The following IPO11 variants were observed in gnomAD, a reference collection of about 807,000 sequenced individuals.
IPO11 encodes importin-11.
IPO11 carries 66 observed loss-of-function variants against 143.2 expected under a neutral mutation model. The observed-to-expected ratio is 0.46, with a 90% CI of 0.38 to 0.57. The LOEUF (loss-of-function observed/expected upper bound fraction) is 0.57. Ranked by LOEUF, IPO11 falls within the 20% of genes least tolerant of loss-of-function variation. IPO11 has a pLI of 0.00. For synonymous variants in IPO11, 385 were observed against 377.8 expected (o/e 1.02, Z -0.22); for missense variants, 1,026 against 1,141.0 (o/e 0.90, Z 1.45).
chr5:62,414,890 T>C (rs1272725807), intron 1 of IPO11, among the ~76,000 whole-genome samples: 1 of 152,232 alleles, frequency 6.6e-6, no homozygotes, highest in Non-Finnish European at 1.5e-5. Flanking sequence ...ATGCTGATTA[T>C]CCAGTCTGAT....
rs181609230 is a variant in IPO11 at position 62,556,378 on chromosome 5, A to G, written c.2461-4758A>G. ...AAAATGGCTTAGCTTTGCGTATCAT[A>G]TAATTAAAGCATCATATGAGGACTA... On this transcript the variant is annotated intron_variant, in intron 26 of 29. Transcript: ENST00000325324. 5.3e-5 allele frequency among the ~76,000 whole-genome samples: 8 copies of G among 152,366 alleles called. No homozygotes were observed. In the East Asian group the frequency reaches 1.5e-3, roughly 29 times the overall value.
At chr5:62,509,916 A>ATGGGAT (rs1481248840) in intron 19 of IPO11, among the ~76,000 whole-genome samples, 1 of 152,218 alleles carries the variant, frequency 6.6e-6, no homozygotes, top group Non-Finnish European at 1.5e-5. Flanking sequence ...ATGCCCAGAA[A>ATGGGAT]TGGGATTGCT....
intron 16 of IPO11, among the ~76,000 whole-genome samples, chr5:62,499,569 C>CGTTT (rs773008330): frequency 3.0e-5 from 3 of 100,088 alleles, no homozygotes; most frequent in African/African-American, 1.1e-4. Flanking sequence ...CTTACTCTAA[C>CGTTT]TTTTTTTTTT....
chr5:62,483,088 T>C lies in IPO11; in HGVS notation c.829-13T>C. 6.7e-7 allele frequency: 1 copy of C among 1,490,904 alleles called. No homozygotes were observed. Among genetic ancestry groups the C allele is most frequent in the Non-Finnish European group, 9.2e-7 (1 of 1,088,918 alleles). The allele number at this position is 1,490,904 out of a possible 1,614,324, so 92.4% of individuals were successfully genotyped here. A position where few individuals can be genotyped will look rare whatever the true frequency, so the allele number is the denominator to read the frequency against. On this transcript the variant is annotated splice_polypyrimidine_tract_variant and intron_variant, in intron 9 of 29. Coordinates refer to ENST00000325324, the MANE Select transcript of IPO11 (RefSeq NM_016338.5). ...AAATACATTTTAATTTTTATTTATT[T>C]ATTTTTCTACAGCTTTTGGACTTCT...
intron 3 of IPO11, among the ~76,000 whole-genome samples, chr5:62,445,211 A>G (rs967407630): frequency 6.6e-6 from 1 of 152,078 alleles, no homozygotes; most frequent in Non-Finnish European, 1.5e-5. Flanking sequence ...GTTTCATTTT[A>G]TATAGATCCT....
Position 62,499,569 on chromosome 5 carries a change from C to CTTTT in IPO11, c.1591-5077_1591-5074dup, listed in dbSNP as rs35545041. On this transcript the variant is annotated intron_variant, in intron 16 of 29. Coordinates refer to ENST00000325324, the MANE Select transcript of IPO11 (RefSeq NM_016338.5). ...ATAAATTAACCACATCTTACTCTAA[C>CTTTT]TTTTTTTTTTTTTTTTTTTTTTTTG... Among the ~76,000 whole-genome samples the CTTTT allele has an allele frequency of 1.3e-3, 135 of 100,082 alleles. 1 individual carries two copies. The highest frequency in any genetic ancestry group is 2.2e-3 in the East Asian group (7 of 3,252). 65.7% of individuals were successfully genotyped at this position (100,082 alleles called of 152,430 possible). A position where few individuals can be genotyped will look rare whatever the true frequency, so the allele number is the denominator to read the frequency against.
intron 9 of IPO11, among the ~76,000 whole-genome samples, chr5:62,479,092 C>T (rs1161483294): frequency 6.6e-6 from 1 of 152,136 alleles, no homozygotes; most frequent in Non-Finnish European, 1.5e-5. Context: ...CCCCATTCCA[C>T]CACCCCACGG....
chr5:62,586,034 G>T (rs1442731668), intron 27 of IPO11, among the ~76,000 whole-genome samples: 1 of 152,116 alleles, frequency 6.6e-6, no homozygotes, highest in Non-Finnish European at 1.5e-5. Flanking sequence ...CATAAGTTTG[G>T]TGTTGGATCT....
At chr5:62,464,494 GGGT>G (rs2112187617) in intron 5 of IPO11, among the ~76,000 whole-genome samples, 1 of 151,782 alleles carries the variant, frequency 6.6e-6, no homozygotes, top group Admixed American at 6.6e-5. Context: ...TTTTGAGGCA[GGGT>G]CTCACTTTGT....
intron 16 of IPO11, among the ~76,000 whole-genome samples, chr5:62,497,573 A>G (rs145142947): frequency 6.9e-4 from 105 of 152,194 alleles, no homozygotes; most frequent in African/African-American, 2.0e-3. Flanking sequence ...GGCTCAGGCA[A>G]TTGTCCCACA....
chr5:62,599,002 G>A (rs7717128), intron 28 of IPO11, among the ~76,000 whole-genome samples: 91,842 of 151,944 alleles, frequency 0.6, 28,158 homozygotes, highest in South Asian at 0.69. Flanking sequence ...AACAAAGTGT[G>A]TGTCCCCCAC....
chr5:62,476,647 T>C (rs768765167), intron 8 of IPO11, 36 bp from the exon 9 acceptor site: 1 of 1,495,618 alleles, frequency 6.7e-7, no homozygotes, highest in South Asian at 1.3e-5. Flanking sequence ...GTTGTGAACT[T>C]ATTAACTTCT....
At chr5:62,540,828 A>G (rs1391930699) in intron 24 of IPO11, among the ~76,000 whole-genome samples, 1 of 152,238 alleles carries the variant, frequency 6.6e-6, no homozygotes. Flanking sequence ...GTTTTTATGT[A>G]ATATATAGCT....
intron 15 of IPO11, among the ~76,000 whole-genome samples, chr5:62,490,974 G>C (rs1746591205): frequency 6.6e-6 from 1 of 151,910 alleles, no homozygotes; most frequent in African/African-American, 2.4e-5. Flanking sequence ...TTAAATTTTA[G>C]GTATTGAATG....
intron 6 of IPO11, among the ~76,000 whole-genome samples, chr5:62,469,584 A>G (rs1352866617): frequency 6.6e-6 from 1 of 152,196 alleles, no homozygotes; most frequent in African/African-American, 2.4e-5. Context: ...TATACCATGG[A>G]ATCCATCAAT....
At chr5:62,506,398 T>C in intron 19 of IPO11, 41 bp downstream of exon 19, 304 of 915,250 alleles carry the variant, frequency 3.3e-4, no homozygotes, top group Middle Eastern at 5.1e-4. Context: ...GAGGGGTGGG[T>C]AGAATAGACG....
chr5:62,611,690 G>T (rs553800606), intron 29 of IPO11, among the ~76,000 whole-genome samples: 15 of 152,150 alleles, frequency 9.9e-5, no homozygotes, highest in Non-Finnish European at 7.4e-5. Flanking sequence ...TTGGCAACAT[G>T]GTATTGGCTC....
intron 27 of IPO11, chr5:62,581,245 C>T: frequency 1.9e-6 from 3 of 1,539,400 alleles, no homozygotes; most frequent in Non-Finnish European, 2.6e-6. Flanking sequence ...GATTCGACTT[C>T]ATAAACAAAT....
chr5:62,424,390 G>C lies in IPO11; in HGVS notation c.-7+11461G>C, dbSNP rs958375026. Among the ~76,000 whole-genome samples the C allele has an allele frequency of 6.9e-4, 105 of 151,702 alleles. 1 individual carries two copies. Among genetic ancestry groups the C allele is most frequent in the Admixed American group, 1.4e-3 (22 of 15,226 alleles). The stretch of plus-strand genomic sequence containing the variant: ...TTGTGACCTCGTGATCCGCCCGCCG[G>C]GGCCTCCCAAAGTGCTGGGATTACG... On this transcript the variant is annotated intron_variant, in intron 1 of 29. Coordinates refer to ENST00000325324, the MANE Select transcript of IPO11 (RefSeq NM_016338.5).
Sources: gnomAD v4.1 joint callset for allele counts (sites outside exome capture counted in the v4.1 genomes callset) on GRCh38, gnomAD v4.1.1 for gene constraint, MANE v1.5 for transcripts, NCBI Gene and HGNC (gene_info 2026-07-23, HGNC 2026-07-21) for gene names.